GNAO1: variants seen among roughly 807,000 people sequenced by gnomAD.
The protein encoded by GNAO1 is G protein subunit alpha o1.
For synonymous variants in GNAO1, 164 were observed against 180.7 expected (o/e 0.91, Z 0.74); for missense variants, 166 against 478.7 (o/e 0.35, Z 6.10).
At chr16:56,332,483 G>A (rs755795975) in intron 4 of GNAO1, among the ~76,000 whole-genome samples, 2 of 152,088 alleles carry the variant, frequency 1.3e-5, no homozygotes, top group African/African-American at 2.4e-5. Flanking sequence ...AGCCTGATTC[G>A]TTCTCTCACA....
chr16:56,333,210 C>CTTTTTTT (rs71149663), intron 4 of GNAO1, among the ~76,000 whole-genome samples: 2 of 140,856 alleles, frequency 1.4e-5, no homozygotes, highest in Admixed American at 1.4e-4. Context: ...TTCTTTTTTT[C>CTTTTTTT]TTTTTTTTTT....
At chr16:56,204,682 A>C (rs1253399064) in intron 2 of GNAO1, among the ~76,000 whole-genome samples, 1 of 152,204 alleles carries the variant, frequency 6.6e-6, no homozygotes, top group African/African-American at 2.4e-5. Context: ...TTGTATTTGA[A>C]GCTATTGCGG....
At chr16:56,329,007 G>A (rs2037663609) in intron 4 of GNAO1, 6 of 549,644 alleles carry the variant, frequency 1.1e-5, no homozygotes, top group South Asian at 8.8e-5. Context: ...GGCAGAGGAC[G>A]CAAGAGACAA....
chr16:56,192,973 T>C, intron 2 of GNAO1: 1 of 222,320 alleles, frequency 4.5e-6, no homozygotes, highest in Non-Finnish European at 9.1e-6. Flanking sequence ...TTTCTGTCTG[T>C]GTCTCTGTTT....
chr16:56,252,839 C>T (rs1353478072), intron 2 of GNAO1, among the ~76,000 whole-genome samples: 1 of 152,140 alleles, frequency 6.6e-6, no homozygotes, highest in African/African-American at 2.4e-5. Flanking sequence ...TGCAGACATG[C>T]CCTGTTGCCC....
rs1034791551 is a variant in GNAO1, at chr16:56,192,162, G to A, written c.-74G>A. On this transcript the variant is annotated 5_prime_UTR_variant, in exon 1 of 9. Transcript: ENST00000262493. ...CTTGAGCCCAGGCTCTGCTCTCTGG[G>A]GGGGTGGGGGGCGCTCCAAGCCGGG... 2 of 819,772 alleles carry A rather than the reference G, an allele frequency of 2.4e-6. No homozygotes were observed. The highest frequency in any genetic ancestry group is 1.5e-5 in the South Asian group (1 of 68,542). 50.8% of individuals were successfully genotyped at this position (819,772 alleles called of 1,614,324 possible). A position where few individuals can be genotyped will look rare whatever the true frequency, so the allele number is the denominator to read the frequency against.
chr16:56,237,418 G>A (rs906961976), intron 2 of GNAO1, among the ~76,000 whole-genome samples: 1 of 152,182 alleles, frequency 6.6e-6, no homozygotes, highest in Non-Finnish European at 1.5e-5. Context: ...GCTGTGCAGA[G>A]CAATGCCACA....
intron 3 of GNAO1, among the ~76,000 whole-genome samples, chr16:56,303,952 T>C (rs1412770990): frequency 2.0e-5 from 3 of 152,208 alleles, no homozygotes; most frequent in Non-Finnish European, 2.9e-5. Flanking sequence ...GCAGAACACC[T>C]ATCTTGCACC....
At chr16:56,300,373 T>G (rs1354779138) in intron 3 of GNAO1, among the ~76,000 whole-genome samples, 5 of 152,200 alleles carry the variant, frequency 3.3e-5, no homozygotes, top group African/African-American at 1.2e-4. Flanking sequence ...GTCAAAGTGG[T>G]ACCAGCTGGC....
At chr16:56,320,499 C>T (rs2037559759) in intron 3 of GNAO1, among the ~76,000 whole-genome samples, 1 of 152,218 alleles carries the variant, frequency 6.6e-6, no homozygotes. Flanking sequence ...AGCTGGAGCT[C>T]AGGTCTGGGT....
intron 3 of GNAO1, among the ~76,000 whole-genome samples, chr16:56,292,802 A>G (rs1164621983): frequency 6.6e-6 from 1 of 152,240 alleles, no homozygotes; most frequent in Non-Finnish European, 1.5e-5. Flanking sequence ...AGAAAGTATT[A>G]ATACCTCCCT....
At chr16:56,336,908 C>A in intron 6 of GNAO1, 48 bp downstream of exon 6, 1 of 1,563,478 alleles carries the variant, frequency 6.4e-7, no homozygotes, top group Non-Finnish European at 8.6e-7. Context: ...GAGGAGACGG[C>A]CGCAGGATAG....
intron 3 of GNAO1, among the ~76,000 whole-genome samples, chr16:56,316,741 C>T (rs1336599671): frequency 2.0e-5 from 3 of 152,186 alleles, no homozygotes; most frequent in Non-Finnish European, 4.4e-5. Flanking sequence ...ACTGCAGGCA[C>T]GGGCAGGGCA....
intron 2 of GNAO1, among the ~76,000 whole-genome samples, chr16:56,232,813 T>C (rs1165670957): frequency 6.6e-6 from 1 of 152,192 alleles, no homozygotes; most frequent in Non-Finnish European, 1.5e-5. Context: ...CCAACTAACT[T>C]TTTACTTCTT....
chr16:56,231,493 A>C (rs929872), intron 2 of GNAO1, among the ~76,000 whole-genome samples: 1 of 151,900 alleles, frequency 6.6e-6, no homozygotes, highest in East Asian at 1.9e-4. Context: ...GCCAGGTCCG[A>C]GTCTGTTTTG....
At chr16:56,299,936 T>G (rs1358173539) in intron 3 of GNAO1, among the ~76,000 whole-genome samples, 1 of 152,038 alleles carries the variant, frequency 6.6e-6, no homozygotes, top group African/African-American at 2.4e-5. Flanking sequence ...ATGCCTGTGT[T>G]TTATAATTGG....
In GNAO1 at chr16:56,357,205, C is replaced by T. The variant is rs1412054051; in HGVS notation, c.*1131C>T. On this transcript the variant is annotated 3_prime_UTR_variant, in exon 9 of 9. Transcript: ENST00000262493. ...TTTCACTTTTAAGACTTAATCTTTG[C>T]TGAAGAAGACCAGTCACAGCCATTT... 1 of 151,176 alleles carries T rather than the reference C, an allele frequency of 6.6e-6. No individual in the cohort carries two copies. Among genetic ancestry groups the T allele is most frequent in the African/African-American group, 2.5e-5 (1 of 40,814 alleles). The allele number at this position is 151,176 out of a possible 1,614,324, so 9.4% of individuals were successfully genotyped here.
intron 3 of GNAO1, among the ~76,000 whole-genome samples, chr16:56,282,403 T>C (rs1402998722): frequency 5.9e-5 from 9 of 152,226 alleles, no homozygotes; most frequent in Admixed American, 2.6e-4. Context: ...TTTGATAAAG[T>C]GTTGATGAAT....
chr16:56,315,207 G>C (rs2037496106), intron 3 of GNAO1, among the ~76,000 whole-genome samples: 2 of 152,294 alleles, frequency 1.3e-5, no homozygotes, highest in Middle Eastern at 3.4e-3. Context: ...TAGCTGTGTT[G>C]CTAATGTCTC....
Sources: allele counts gnomAD v4.1 joint callset (sites outside exome capture counted in the v4.1 genomes callset), GRCh38; gene constraint gnomAD v4.1.1; transcripts MANE v1.5; gene names NCBI Gene and HGNC (gene_info 2026-07-23, HGNC 2026-07-21).